Variants in WWOX observed in about 807,000 individuals in gnomAD.
The protein encoded by WWOX is WW domain containing oxidoreductase, also known as WW domain-containing oxidoreductase.
Under a neutral mutation model 46.2 loss-of-function variants are expected in WWOX, and 69 were observed. That is an observed-to-expected ratio of 1.49 (90% CI 1.23 to 1.82). The LOEUF is 1.82. Among genes scored for constraint, WWOX ranks in the 40% most tolerant of loss-of-function variants. The pLI, the probability that WWOX is intolerant of heterozygous loss-of-function variation, is 0.00. For synonymous variants in WWOX, 359 were observed against 202.6 expected (o/e 1.77, Z -6.56); for missense variants, 919 against 542.6 (o/e 1.69, Z -6.89).
chr16:78,287,422 G>A (rs1343739110), intron 5 of WWOX, among the ~76,000 whole-genome samples: 1 of 151,962 alleles, frequency 6.6e-6, no homozygotes, highest in African/African-American at 2.4e-5. Context: ...ATTCATCCAG[G>A]GCCACAAAAA....
At chr16:78,953,323 C>G (rs2046100654) in intron 8 of WWOX, among the ~76,000 whole-genome samples, 1 of 152,016 alleles carries the variant, frequency 6.6e-6, no homozygotes, top group African/African-American at 2.4e-5. Context: ...GCATGTTTAA[C>G]CTACTTTAGA....
intron 4 of WWOX, among the ~76,000 whole-genome samples, chr16:78,155,633 C>CT (rs2151726318): frequency 6.6e-6 from 1 of 152,360 alleles, no homozygotes; most frequent in East Asian, 1.9e-4. Context: ...TCCGAACACA[C>CT]TCTTGCCATC....
At chr16:79,104,278 T>A (rs1481795701) in intron 8 of WWOX, among the ~76,000 whole-genome samples, 3 of 152,222 alleles carry the variant, frequency 2.0e-5, no homozygotes, top group African/African-American at 7.2e-5. Flanking sequence ...ACATTAATAA[T>A]GTTTTGGTAA....
intron 8 of WWOX, among the ~76,000 whole-genome samples, chr16:78,711,762 G>T (rs2048449091): frequency 1.3e-5 from 2 of 152,136 alleles, no homozygotes. Context: ...GTATTGACCA[G>T]TGTTAAAGAG....
At chr16:78,453,412 G>C (rs1045415735) in intron 8 of WWOX, among the ~76,000 whole-genome samples, 4 of 147,106 alleles carry the variant, frequency 2.7e-5, no homozygotes, top group African/African-American at 7.6e-5. Context: ...GCATGAGCGA[G>C]ACTATGTCTC....
intron 8 of WWOX, among the ~76,000 whole-genome samples, chr16:79,106,307 A>T (rs987851031): frequency 6.6e-6 from 1 of 152,312 alleles, no homozygotes; most frequent in Admixed American, 6.5e-5. Context: ...TGAGACCTCA[A>T]AACTTTTACC....
At chr16:78,599,657 A>C (rs1429190231) in intron 8 of WWOX, among the ~76,000 whole-genome samples, 1 of 152,190 alleles carries the variant, frequency 6.6e-6, no homozygotes, top group African/African-American at 2.4e-5. Flanking sequence ...CGAGTCTCAG[A>C]GCGGCCCCTG....
chr16:78,526,913 C>G (rs1317877098), intron 8 of WWOX, among the ~76,000 whole-genome samples: 2 of 152,150 alleles, frequency 1.3e-5, no homozygotes, highest in African/African-American at 2.4e-5. Flanking sequence ...GCCTATAATC[C>G]CAGCACTTTG....
At chr16:78,913,445 G>C (rs2045163870) in intron 8 of WWOX, among the ~76,000 whole-genome samples, 1 of 151,838 alleles carries the variant, frequency 6.6e-6, no homozygotes, top group Non-Finnish European at 1.5e-5. Flanking sequence ...AACCCTCACG[G>C]CTCTTTCCCC....
At chr16:79,173,994 G>A (rs1380932599) in intron 8 of WWOX, among the ~76,000 whole-genome samples, 1 of 152,152 alleles carries the variant, frequency 6.6e-6, no homozygotes, top group Non-Finnish European at 1.5e-5. Flanking sequence ...AGTGAAATCT[G>A]TGGCAGCTTA....
At chr16:78,110,491 C>G (rs1227439015) in intron 3 of WWOX, among the ~76,000 whole-genome samples, 1 of 152,036 alleles carries the variant, frequency 6.6e-6, no homozygotes, top group Non-Finnish European at 1.5e-5. Context: ...TTATTTTGTA[C>G]AGATATACTA....
chr16:79,001,466 C>T (rs192865235), intron 8 of WWOX, among the ~76,000 whole-genome samples: 21 of 152,264 alleles, frequency 1.4e-4, no homozygotes, highest in Admixed American at 1.2e-3. Context: ...TTTGTGCGTG[C>T]AGCTTCTGTT....
At chr16:78,409,378 C>T (rs1420754569) in intron 6 of WWOX, among the ~76,000 whole-genome samples, 1 of 152,144 alleles carries the variant, frequency 6.6e-6, no homozygotes, top group East Asian at 1.9e-4. Context: ...ATACCTGCTC[C>T]TGACACCTAG....
chr16:78,454,997 G>A (rs2083782174), intron 8 of WWOX, among the ~76,000 whole-genome samples: 1 of 152,200 alleles, frequency 6.6e-6, no homozygotes. Context: ...ACTGACTTAA[G>A]GCATAGCAAA....
intron 8 of WWOX, among the ~76,000 whole-genome samples, chr16:78,900,240 C>T (rs1224590802): frequency 1.3e-5 from 2 of 151,914 alleles, no homozygotes; most frequent in African/African-American, 2.4e-5. Flanking sequence ...AGTCTTTTCT[C>T]CTCCTGTTTT....
At chr16:79,139,607 T>G (rs374470611) in intron 8 of WWOX, among the ~76,000 whole-genome samples, 39 of 152,260 alleles carry the variant, frequency 2.6e-4, no homozygotes, top group African/African-American at 8.2e-4. Context: ...TCTTTCTTTC[T>G]TTCTTTTCTT....
At chr16:78,159,147 G>A (rs191489746) in intron 4 of WWOX, among the ~76,000 whole-genome samples, 1 of 151,212 alleles carries the variant, frequency 6.6e-6, no homozygotes, top group African/African-American at 2.4e-5. Context: ...CATTGTGTGT[G>A]TTTGTGTGTG....
intron 8 of WWOX, among the ~76,000 whole-genome samples, chr16:78,519,188 C>G (rs965577663): frequency 6.6e-6 from 1 of 152,096 alleles, no homozygotes; most frequent in Middle Eastern, 3.2e-3. Flanking sequence ...TAAAACGAGG[C>G]TCTTGATGTT....
At chr16:78,863,913 C>T (rs1357389199) in intron 8 of WWOX, among the ~76,000 whole-genome samples, 1 of 152,094 alleles carries the variant, frequency 6.6e-6, no homozygotes, top group Non-Finnish European at 1.5e-5. Context: ...GGTTCAGCCA[C>T]AGTTGTAGCA....
Sources: gnomAD v4.1 joint callset for allele counts (sites outside exome capture counted in the v4.1 genomes callset) on GRCh38, gnomAD v4.1.1 for gene constraint, MANE v1.5 for transcripts, NCBI Gene and HGNC (gene_info 2026-07-23, HGNC 2026-07-21) for gene names.